Variants in PRUNE2 observed in about 807,000 individuals in gnomAD.
The protein encoded by PRUNE2 is protein prune homolog 2.
PRUNE2 carries 164 observed loss-of-function variants against 252.0 expected under a neutral mutation model. That is an observed-to-expected ratio of 0.65 (90% CI 0.57 to 0.74). PRUNE2 has a LOEUF of 0.74. PRUNE2 is among the 30% of genes least tolerant of loss of function. The pLI is 0.00. For synonymous variants in PRUNE2, 1,292 were observed against 1,350.2 expected (o/e 0.96, Z 0.94); for missense variants, 3,495 against 3,711.0 (o/e 0.94, Z 1.51).
intron 1 of PRUNE2, among the ~76,000 whole-genome samples, chr9:76,860,668 T>C (rs941099059): frequency 6.6e-6 from 1 of 152,222 alleles, no homozygotes; most frequent in African/African-American, 2.4e-5. Context: ...ACGAATTTTG[T>C]TTTAAAAATA....
chr9:76,694,786 A>G (rs1276643954), intron 9 of PRUNE2, among the ~76,000 whole-genome samples: 1 of 152,190 alleles, frequency 6.6e-6, no homozygotes. Context: ...AATAAGAATT[A>G]CTGCTTAACT....
Position 76,882,408 on chromosome 9 carries a change from A to G in PRUNE2, c.36+23520T>C, listed in dbSNP as rs140035253. 2.0e-3 allele frequency among the ~76,000 whole-genome samples: 304 copies of G among 152,366 alleles called. 2 individuals are homozygous for G. The highest frequency in any genetic ancestry group is 6.9e-3 in the African/African-American group (288 of 41,590). ...AATAAAATATGTGTTTGCACACTGT[A>G]TTAGGCCGTTCTTGCATTGCTATGA... On this transcript the variant is annotated intron_variant, in intron 1 of 18. Coordinates refer to ENST00000376718, the MANE Select transcript of PRUNE2 (RefSeq NM_015225.3).
At chr9:76,830,670 A>G (rs1290024259) in intron 4 of PRUNE2, among the ~76,000 whole-genome samples, 1 of 151,740 alleles carries the variant, frequency 6.6e-6, no homozygotes, top group Non-Finnish European at 1.5e-5. Context: ...AAAAAGAAAA[A>G]AAAAAAAAGA....
intron 6 of PRUNE2, among the ~76,000 whole-genome samples, chr9:76,769,893 A>G (rs1317456667): frequency 6.6e-6 from 1 of 152,132 alleles, no homozygotes; most frequent in Non-Finnish European, 1.5e-5. Context: ...TCTCAAAAAT[A>G]CTTTAAAATA....
At chr9:76,815,002 T>C (rs2057593389) in intron 6 of PRUNE2, among the ~76,000 whole-genome samples, 1 of 152,214 alleles carries the variant, frequency 6.6e-6, no homozygotes, top group Admixed American at 6.5e-5. Context: ...CTGCAGCCTG[T>C]TGATGAAGTC....
chr9:76,626,139 A>T (rs1305977630), intron 16 of PRUNE2, among the ~76,000 whole-genome samples: 2 of 152,236 alleles, frequency 1.3e-5, no homozygotes, highest in Non-Finnish European at 2.9e-5. Context: ...GCAGGAACTG[A>T]ACATCCTGTA....
At chr9:76,695,070 C>T (rs1247765824) in intron 9 of PRUNE2, among the ~76,000 whole-genome samples, 2 of 152,178 alleles carry the variant, frequency 1.3e-5, no homozygotes, top group Middle Eastern at 3.2e-3. Flanking sequence ...TGGTCTCACT[C>T]GTTCACCTGG....
intron 6 of PRUNE2, chr9:76,737,487 C>CTT (rs1372757444): frequency 6.6e-6 from 1 of 152,378 alleles, no homozygotes; most frequent in African/African-American, 2.4e-5. Context: ...GAGCTATCTA[C>CTT]TTTAGCAACA....
At position 76,709,722 on chromosome 9, in the gene PRUNE2, T is replaced by C. The variant is rs1488434694; in HGVS notation, c.2552A>G (p.Asn851Ser). ...TTCATTGTTTATCTCACTGGGTGAA[T>C]TGTCCAGTAGTTCTGAAGAAGAAAA... ...FAFSSSELLD[N>S]SPSEINNEAA... Residue 851 changes from asparagine to serine, a missense_variant, in exon 8 of 19, where the codon AAT becomes AGT. By Grantham distance (46) the Asn-to-Ser change is conservative (BLOSUM62 1). Transcript: ENST00000376718. 1 of 1,613,986 alleles carries C rather than the reference T, an allele frequency of 6.2e-7. No individual in the cohort carries two copies. Among genetic ancestry groups the C allele is most frequent in the Non-Finnish European group, 8.5e-7 (1 of 1,179,876 alleles).
Position 76,710,440 on chromosome 9 carries a change from GT to G in PRUNE2, c.1833del (p.Met613Ter). ...LKNTGKRIPP[T>X]PMNSLVESSP... ...GAGCTTTCTACTAAACTATTCATGG[GT>G]GTTGGTGGGATCCTCTTTCCAGTAT... On this transcript the variant is annotated frameshift_variant, in exon 8 of 19. Transcript: ENST00000376718. LOFTEE classifies it high-confidence loss of function. The G allele has an allele frequency of 1.9e-6, 3 of 1,613,996 alleles. No individual in the cohort carries two copies. Among genetic ancestry groups the G allele is most frequent in the Non-Finnish European group, 2.5e-6 (3 of 1,179,892 alleles).
intron 1 of PRUNE2, among the ~76,000 whole-genome samples, chr9:76,859,967 C>T (rs1472886006): frequency 2.0e-5 from 3 of 152,182 alleles, no homozygotes; most frequent in Admixed American, 6.5e-5. Context: ...TCCCAAAGTA[C>T]TGGGATTACA....
At chr9:76,756,151 G>A (rs2051128546) in intron 6 of PRUNE2, among the ~76,000 whole-genome samples, 1 of 152,170 alleles carries the variant, frequency 6.6e-6, no homozygotes, top group Admixed American at 6.5e-5. Flanking sequence ...TCTTCACAGA[G>A]CCATTTTGAT....
chr9:76,894,200 C>G (rs1339195652), intron 1 of PRUNE2, among the ~76,000 whole-genome samples: 1 of 152,098 alleles, frequency 6.6e-6, no homozygotes, highest in East Asian at 1.9e-4. Context: ...GACTGCCCAC[C>G]CTTCCTTGCA....
chr9:76,783,738 C>T (rs2054673424), intron 6 of PRUNE2: 1 of 152,184 alleles, frequency 6.6e-6, no homozygotes, highest in South Asian at 2.1e-4. Context: ...ACTTTACCAT[C>T]TGAGGCCACA....
At chr9:76,655,959 G>T (rs1001073808) in intron 9 of PRUNE2, among the ~76,000 whole-genome samples, 2 of 152,144 alleles carry the variant, frequency 1.3e-5, no homozygotes, top group Non-Finnish European at 2.9e-5. Context: ...GTAAACTAGG[G>T]ATATACACCT....
chr9:76,640,707 C>T (rs534350990), intron 12 of PRUNE2, among the ~76,000 whole-genome samples: 1 of 152,218 alleles, frequency 6.6e-6, no homozygotes, highest in South Asian at 2.1e-4. Flanking sequence ...TCTGAAGATG[C>T]ATAATTAAAT....
chr9:76,711,609 A>T (rs1208680175), intron 7 of PRUNE2, among the ~76,000 whole-genome samples: 1 of 152,212 alleles, frequency 6.6e-6, no homozygotes, highest in Admixed American at 6.5e-5. Context: ...ACGTTTGGGT[A>T]AAGGAGTTTA....
intron 12 of PRUNE2, among the ~76,000 whole-genome samples, chr9:76,641,737 AC>A (rs9314851): frequency 0.37 from 56,375 of 151,552 alleles, 11,408 homozygotes; most frequent in African/African-American, 0.55. Flanking sequence ...TGCATGAGCA[AC>A]CCCCCCCCAG....
chr9:76,709,735 C>T lies in PRUNE2; in HGVS notation c.2539G>A (p.Glu847Lys), dbSNP rs2046575281. Residue 847 changes from glutamate (E) to lysine (K), a missense_variant, in exon 8 of 19, where the codon GAA becomes AAA. Glu to Lys is a moderately conservative substitution (Grantham distance 56). Transcript: ENST00000376718. ...AKSGFAFSSS[E>K]LLDNSPSEIN... ...TCACTGGGTGAATTGTCCAGTAGTT[C>T]TGAAGAAGAAAAGGCAAACCCACTT... The T allele has an allele frequency of 1.2e-6, 2 of 1,613,978 alleles. No homozygotes were observed. The highest frequency in any genetic ancestry group is 1.7e-6 in the Non-Finnish European group (2 of 1,179,874).
Sources: allele counts gnomAD v4.1 joint callset (sites outside exome capture counted in the v4.1 genomes callset), GRCh38; gene constraint gnomAD v4.1.1; transcripts MANE v1.5; gene names NCBI Gene and HGNC (gene_info 2026-07-23, HGNC 2026-07-21).